Variants in GNA14 observed in about 807,000 individuals in gnomAD.
GNA14 encodes the protein G protein subunit alpha 14.
In GNA14, 50 loss-of-function variants were observed where a neutral mutation model predicts 42.0. The ratio of observed to expected loss-of-function variants is 1.19; its 90% CI spans 0.95 to 1.51. The LOEUF (loss-of-function observed/expected upper bound fraction) is 1.51, where lower values mean the gene tolerates loss of function less well. GNA14 is among the 40% of genes most tolerant of loss of function. The pLI is 0.00. For synonymous variants in GNA14, 173 were observed against 163.1 expected, an observed-to-expected ratio of 1.06 and a Z score of -0.46; for missense variants, 473 against 446.2, an observed-to-expected ratio of 1.06 and a Z score of -0.54.
At chr9:77,640,217 CATTT>C (rs1343726728) in intron 1 of GNA14, among the ~76,000 whole-genome samples, 1 of 152,212 alleles carries the variant, frequency 6.6e-6, no homozygotes, top group Non-Finnish European at 1.5e-5. Context: ...TGCTCTTTCT[CATTT>C]ATTATTCAAA....
rs1483195477 is a variant in GNA14 at position 77,515,203 on chromosome 9, CATCT to C, written c.309+13862_309+13865del. 2.0e-5 allele frequency among the ~76,000 whole-genome samples: 3 copies of C among 152,214 alleles called. No individual in the cohort carries two copies. The East Asian group carries it at 5.8e-4, about 29-fold the overall frequency. On this transcript the variant is annotated intron_variant, in intron 2 of 6. Transcript: ENST00000341700. Reference sequence around the variant, plus strand: ...GATAGGCTTTTGGCAAACTGGCCTGCATCTATGTCAGGCACTGCAGCTACAAAGG... The same window carrying C: ...GATAGGCTTTTGGCAAACTGGCCTGCATGTCAGGCACTGCAGCTACAAAGG...
At chr9:77,461,191 T>C (rs1309417572) in intron 2 of GNA14, among the ~76,000 whole-genome samples, 1 of 152,192 alleles carries the variant, frequency 6.6e-6, no homozygotes, top group Non-Finnish European at 1.5e-5. Context: ...CTGTGAGTGC[T>C]GCAAAACTTG....
intron 1 of GNA14, among the ~76,000 whole-genome samples, chr9:77,589,292 G>A (rs1444471598): frequency 6.6e-6 from 1 of 152,184 alleles, no homozygotes; most frequent in East Asian, 1.9e-4. Flanking sequence ...TAAGGAGGAA[G>A]CTATTTGACT....
chr9:77,501,545 G>A (rs1420597570), intron 2 of GNA14, among the ~76,000 whole-genome samples: 1 of 151,728 alleles, frequency 6.6e-6, no homozygotes, highest in Non-Finnish European at 1.5e-5. Flanking sequence ...TTTTCTAATT[G>A]GATCAGTTTT....
intron 2 of GNA14, among the ~76,000 whole-genome samples, chr9:77,493,024 A>ATCT (rs1424877123): frequency 1.4e-5 from 1 of 73,484 alleles, no homozygotes; most frequent in African/African-American, 6.6e-5. Flanking sequence ...AAAAAAAAAA[A>ATCT]AAATATATAT....
intron 2 of GNA14, among the ~76,000 whole-genome samples, chr9:77,464,722 A>G (rs146452632): frequency 6.6e-6 from 1 of 152,328 alleles, no homozygotes; most frequent in East Asian, 1.9e-4. Flanking sequence ...GGGTTGAATT[A>G]CATCCCTGCT....
At chr9:77,605,079 G>A (rs1823627602) in intron 1 of GNA14, among the ~76,000 whole-genome samples, 1 of 152,154 alleles carries the variant, frequency 6.6e-6, no homozygotes. Context: ...CTGTAACTTG[G>A]TATTTAACCC....
intron 2 of GNA14, among the ~76,000 whole-genome samples, chr9:77,474,662 C>T (rs1390432762): frequency 6.6e-6 from 1 of 152,146 alleles, no homozygotes; most frequent in Non-Finnish European, 1.5e-5. Context: ...CCCAAGAGAA[C>T]TGAAGACAAA....
At chr9:77,478,042 T>TTA (rs1564026252) in intron 2 of GNA14, among the ~76,000 whole-genome samples, 4 of 151,384 alleles carry the variant, frequency 2.6e-5, no homozygotes, top group Non-Finnish European at 5.9e-5. Context: ...TTTTTTTTTT[T>TTA]AAACTTTAAG....
At chr9:77,431,179 C>G in intron 4 of GNA14, 142 bp downstream of exon 4, 1 of 728,484 alleles carries the variant, frequency 1.4e-6, no homozygotes, top group Non-Finnish European at 2.2e-6. Flanking sequence ...CTACCTACCA[C>G]AATTCTAAAT....
At chr9:77,458,081 G>C (rs1474343948) in intron 2 of GNA14, among the ~76,000 whole-genome samples, 1 of 152,174 alleles carries the variant, frequency 6.6e-6, no homozygotes, top group African/African-American at 2.4e-5. Context: ...TTCTGCCTGG[G>C]ATCGGGATCA....
chr9:77,551,519 C>A (rs552452372), intron 1 of GNA14, among the ~76,000 whole-genome samples: 3 of 151,764 alleles, frequency 2.0e-5, no homozygotes, highest in African/African-American at 4.8e-5. Context: ...ACCCACCCCC[C>A]CTTCAAGTGA....
At chr9:77,486,012 G>C (rs1191884434) in intron 2 of GNA14, among the ~76,000 whole-genome samples, 1 of 152,242 alleles carries the variant, frequency 6.6e-6, no homozygotes, top group East Asian at 1.9e-4. Flanking sequence ...TAACAAGAGA[G>C]TCAGCCTGTC....
At position 77,556,326 on chromosome 9, in the gene GNA14, A is replaced by G. The variant is rs1822781344; in HGVS notation, c.125-27073T>C. On this transcript the variant is annotated intron_variant, in intron 1 of 6. Transcript: ENST00000341700. ...TATGGAGAGTGAATTCAAACACATC[A>G]TGGCAGATATATGGAGGTAGATGCT... Among the ~76,000 whole-genome samples the G allele has an allele frequency of 2.6e-5, 4 of 152,224 alleles. No individual in the cohort carries two copies. The South Asian group carries it at 6.2e-4, about 24-fold the overall frequency.
At chr9:77,475,104 C>T (rs1836395825) in intron 2 of GNA14, among the ~76,000 whole-genome samples, 1 of 151,754 alleles carries the variant, frequency 6.6e-6, no homozygotes. Context: ...TGTGTTGAAA[C>T]AAGCCCAGAG....
intron 1 of GNA14, among the ~76,000 whole-genome samples, chr9:77,592,358 T>G (rs1823403702): frequency 6.6e-6 from 1 of 152,242 alleles, no homozygotes; most frequent in Non-Finnish European, 1.5e-5. Flanking sequence ...GGACAGTGAA[T>G]GACCATGTTA....
At chr9:77,486,064 T>G (rs1276544532) in intron 2 of GNA14, among the ~76,000 whole-genome samples, 1 of 152,236 alleles carries the variant, frequency 6.6e-6, no homozygotes, top group Non-Finnish European at 1.5e-5. Context: ...TCTCTTGCTA[T>G]GAAAGTCCTG....
At chr9:77,498,212 A>C (rs1417799025) in intron 2 of GNA14, among the ~76,000 whole-genome samples, 1 of 152,040 alleles carries the variant, frequency 6.6e-6, no homozygotes, top group Non-Finnish European at 1.5e-5. Flanking sequence ...CGCCTCTGCT[A>C]AAAATACAAA....
intron 2 of GNA14, among the ~76,000 whole-genome samples, chr9:77,438,926 A>G (rs905572136): frequency 2.6e-5 from 4 of 152,220 alleles, no homozygotes; most frequent in African/African-American, 9.6e-5. Context: ...ACACAACATT[A>G]TTATTCATTA....
Sources: gnomAD v4.1 joint callset for allele counts (sites outside exome capture counted in the v4.1 genomes callset) on GRCh38, gnomAD v4.1.1 for gene constraint, MANE v1.5 for transcripts, NCBI Gene and HGNC (gene_info 2026-07-23, HGNC 2026-07-21) for gene names.